LRRTM3: variants seen among roughly 807,000 people sequenced by gnomAD.
LRRTM3 encodes leucine rich repeat transmembrane neuronal 3.
In LRRTM3, 24 loss-of-function variants were observed where a neutral mutation model predicts 44.7. The observed-to-expected ratio is 0.54, with a 90% CI of 0.39 to 0.76. The LOEUF (loss-of-function observed/expected upper bound fraction) is 0.76. Among genes scored for constraint, LRRTM3 ranks in the 30% least tolerant of loss-of-function variants. The probability of loss-of-function intolerance (pLI) is 0.00; values close to 1 mark genes in which losing one functional copy is unlikely to be tolerated. For synonymous variants in LRRTM3, 277 were observed against 278.7 expected, an observed-to-expected ratio of 0.99 and a Z score of 0.06; for missense variants, 587 against 702.2, an observed-to-expected ratio of 0.84 and a Z score of 1.85.
chr10:66,926,508 C>G lies in LRRTM3; in HGVS notation c.-76C>G, dbSNP rs1022123430. The G allele has an allele frequency of 2.6e-6, 4 of 1,555,016 alleles. No homozygotes were observed. The African/African-American group carries it at 5.5e-5, about 21-fold the overall frequency. ...CGAGCCCTGACTCACTACAGTGCAG[C>G]TGACAGGGGCTGTCATGCAACTGGC... On this transcript the variant is annotated 5_prime_UTR_variant, in exon 1 of 3. Transcript: ENST00000361320.
chr10:66,962,641 G>A (rs1849181358), intron 2 of LRRTM3, among the ~76,000 whole-genome samples: 1 of 151,906 alleles, frequency 6.6e-6, no homozygotes, highest in African/African-American at 2.4e-5. Flanking sequence ...TCGATCTCCT[G>A]ATCTCGTGAT....
At chr10:66,938,381 G>A (rs892746147) in intron 2 of LRRTM3, among the ~76,000 whole-genome samples, 2 of 151,968 alleles carry the variant, frequency 1.3e-5, no homozygotes, top group African/African-American at 4.8e-5. Context: ...AATATAAAGA[G>A]TCAACCCATA....
intron 2 of LRRTM3, among the ~76,000 whole-genome samples, chr10:67,096,964 G>T (rs537563302): frequency 7.9e-5 from 12 of 152,010 alleles, no homozygotes; most frequent in Non-Finnish European, 1.6e-4. Flanking sequence ...GAAGTCATGG[G>T]TAAGAATAGC....
chr10:66,950,774 A>G (rs1848498127), intron 2 of LRRTM3, among the ~76,000 whole-genome samples: 1 of 152,174 alleles, frequency 6.6e-6, no homozygotes, highest in Non-Finnish European at 1.5e-5. Flanking sequence ...ACAAAAACAA[A>G]AAAGCATGAG....
At chr10:67,045,301 G>A (rs777894436) in intron 2 of LRRTM3, among the ~76,000 whole-genome samples, 2 of 152,120 alleles carry the variant, frequency 1.3e-5, no homozygotes, top group Non-Finnish European at 2.9e-5. Flanking sequence ...TGTTCCCAAG[G>A]AGTCCATGAT....
At chr10:67,091,973 T>C (rs1029690925) in intron 2 of LRRTM3, among the ~76,000 whole-genome samples, 4 of 151,964 alleles carry the variant, frequency 2.6e-5, no homozygotes, top group African/African-American at 9.7e-5. Context: ...TATATGTTAG[T>C]AGGTAGAAAT....
At chr10:66,945,026 G>T (rs1848208490) in intron 2 of LRRTM3, among the ~76,000 whole-genome samples, 1 of 152,046 alleles carries the variant, frequency 6.6e-6, no homozygotes, top group Admixed American at 6.6e-5. Flanking sequence ...ATTCTTAAGG[G>T]CCCCAGGATT....
intron 2 of LRRTM3, chr10:67,013,096 A>G (rs2133045441): frequency 6.6e-6 from 1 of 152,286 alleles, no homozygotes; most frequent in East Asian, 1.9e-4. Context: ...GATAGGAAAG[A>G]CATCATCTTT....
At chr10:67,062,448 T>C (rs1485250611) in intron 2 of LRRTM3, among the ~76,000 whole-genome samples, 1 of 152,206 alleles carries the variant, frequency 6.6e-6, no homozygotes, top group African/African-American at 2.4e-5. Flanking sequence ...ATGCAGGTGA[T>C]AAACTTTAAA....
intron 2 of LRRTM3, among the ~76,000 whole-genome samples, chr10:67,053,749 G>T (rs1453827794): frequency 6.6e-6 from 1 of 152,112 alleles, no homozygotes; most frequent in East Asian, 1.9e-4. Context: ...AAAGGAGTAT[G>T]AAACGAATTC....
intron 2 of LRRTM3, among the ~76,000 whole-genome samples, chr10:67,073,249 A>G (rs576786072): frequency 2.8e-4 from 43 of 152,314 alleles, no homozygotes; most frequent in African/African-American, 1.0e-3. Flanking sequence ...AAGCTATTAC[A>G]TTTTAATAGC....
chr10:67,026,056 A>G (rs1480044538), intron 2 of LRRTM3, among the ~76,000 whole-genome samples: 1 of 149,938 alleles, frequency 6.7e-6, no homozygotes, highest in East Asian at 2.0e-4. Context: ...GGAATTGAAC[A>G]ATGAGAACAC....
At chr10:66,926,714 TTG>T in intron 1 of LRRTM3, 127 bp downstream of exon 1, 1 of 1,169,162 alleles carries the variant, frequency 8.6e-7, no homozygotes, top group Non-Finnish European at 1.2e-6. Context: ...ATGAATTTAT[TTG>T]CTTAGTGGCA....
intron 2 of LRRTM3, among the ~76,000 whole-genome samples, chr10:67,037,216 A>G (rs1854114221): frequency 6.6e-6 from 1 of 152,190 alleles, no homozygotes; most frequent in South Asian, 2.1e-4. Context: ...GTTTACTTGT[A>G]AGTAATGTGT....
At chr10:67,079,621 G>A (rs917716091) in intron 2 of LRRTM3, among the ~76,000 whole-genome samples, 3 of 152,032 alleles carry the variant, frequency 2.0e-5, no homozygotes, top group African/African-American at 4.8e-5. Context: ...AGGCCAAGGT[G>A]GGCAGATCAC....
chr10:67,051,824 G>A (rs10762134), intron 2 of LRRTM3, among the ~76,000 whole-genome samples: 53,513 of 150,974 alleles, frequency 0.35, 11,151 homozygotes, highest in East Asian at 0.51. Context: ...GCACCATCTC[G>A]GCTCACTGCA....
rs1167268390 is a variant in LRRTM3, at chr10:66,927,907, A to C, written c.991A>C (p.Lys331Gln). 1 of 1,614,120 alleles carries C rather than the reference A, an allele frequency of 6.2e-7. No individual in the cohort carries two copies. Among genetic ancestry groups the C allele is most frequent in the Admixed American group, 1.7e-5 (1 of 60,016 alleles). The change falls in exon 2 of 3, where the codon AAA becomes CAA. Residue 331 changes from lysine to glutamine, a missense_variant. Physicochemically the swap from Lys to Gln is moderately conservative, Grantham distance 53. Transcript: ENST00000361320. The surrounding 1 kb of genome is among the most constrained non-coding windows in gnomAD (Gnocchi z 4.7). Reference protein sequence around the residue: ...CSLVNWLKSFKGLRENTIICA... With the variant: ...CSLVNWLKSFQGLRENTIICA... Reference sequence around the variant, plus strand: ...CCTTGTAAACTGGCTGAAAAGTTTTAAAGGTCTAAGGGAGAATACAATTAT... The same window carrying C: ...CCTTGTAAACTGGCTGAAAAGTTTTCAAGGTCTAAGGGAGAATACAATTAT...
intron 2 of LRRTM3, among the ~76,000 whole-genome samples, chr10:66,993,016 A>T (rs1224457704): frequency 2.0e-5 from 3 of 152,108 alleles, no homozygotes; most frequent in East Asian, 3.9e-4. Flanking sequence ...GAGGTTTTCT[A>T]AAAAATCATT....
chr10:67,094,760 G>A (rs1857865953), intron 2 of LRRTM3, among the ~76,000 whole-genome samples: 1 of 151,584 alleles, frequency 6.6e-6, no homozygotes. Context: ...AATTGTCAGT[G>A]CAAAATATTC....
Sources: gnomAD v4.1 joint callset for allele counts (sites outside exome capture counted in the v4.1 genomes callset) on GRCh38, gnomAD v4.1.1 for gene constraint, Gnocchi (gnomAD v3.1) non-coding constraint, MANE v1.5 for transcripts, NCBI Gene and HGNC (gene_info 2026-07-23, HGNC 2026-07-21) for gene names.